GNAQ: variants seen among roughly 807,000 people sequenced by gnomAD.
GNAQ encodes guanine nucleotide-binding protein G(q) subunit alpha.
GNAQ carries 8 observed loss-of-function variants against 43.9 expected under a neutral mutation model. The observed-to-expected ratio is 0.18, with a 90% confidence interval of 0.11 to 0.33. The LOEUF (loss-of-function observed/expected upper bound fraction) is 0.33. GNAQ is among the 10% of genes least tolerant of loss of function. The probability of loss-of-function intolerance (pLI) is 1.00; values close to 1 mark genes in which losing one functional copy is unlikely to be tolerated. For missense variants in GNAQ, 158 were observed against 450.8 expected (o/e 0.35, Z 5.88); for synonymous variants, 155 against 170.7 (o/e 0.91, Z 0.71).
chr9:77,925,950 T>C (rs1829066202), intron 1 of GNAQ, among the ~76,000 whole-genome samples: 1 of 152,206 alleles, frequency 6.6e-6, no homozygotes, highest in Non-Finnish European at 1.5e-5. Flanking sequence ...CCTAATACAA[T>C]GTAAATGCTA....
At position 77,865,127 on chromosome 9, in the gene GNAQ, G is replaced by A. The variant is rs537370467; in HGVS notation, c.322-49357C>T. ...GACTCCACATTTGTCAGTAATCTAT[G>A]AATTTCTTTTAACTTAACAAACAGC... On this transcript the variant is annotated intron_variant, in intron 2 of 6. Transcript: ENST00000286548. Among the ~76,000 whole-genome samples, 23 of 151,824 alleles carry A rather than the reference G, an allele frequency of 1.5e-4. No individual in the cohort carries two copies. In the East Asian group the frequency reaches 4.5e-3, roughly 30 times the overall value.
intron 2 of GNAQ, among the ~76,000 whole-genome samples, chr9:77,849,405 G>A (rs1313379504): frequency 6.6e-6 from 1 of 152,106 alleles, no homozygotes; most frequent in Admixed American, 6.5e-5. Context: ...CCTTGATACT[G>A]GAGTGGGGTC....
intron 2 of GNAQ, among the ~76,000 whole-genome samples, chr9:77,847,412 A>G (rs533862051): frequency 2.6e-5 from 4 of 152,302 alleles, no homozygotes; most frequent in African/African-American, 9.6e-5. Flanking sequence ...CACGATGGGA[A>G]TGGCCTGGAG....
chr9:77,937,388 A>T (rs1209564422), intron 1 of GNAQ, among the ~76,000 whole-genome samples: 1 of 151,948 alleles, frequency 6.6e-6, no homozygotes, highest in Non-Finnish European at 1.5e-5. Context: ...CAGTGAGCCA[A>T]GATCGCACCA....
chr9:77,905,936 G>A (rs947596281), intron 2 of GNAQ, among the ~76,000 whole-genome samples: 1 of 152,074 alleles, frequency 6.6e-6, no homozygotes, highest in African/African-American at 2.4e-5. Flanking sequence ...GTCAGGGGGT[G>A]GGAGACAAGG....
At chr9:77,808,286 T>C (rs1826859419) in intron 3 of GNAQ, among the ~76,000 whole-genome samples, 1 of 151,640 alleles carries the variant, frequency 6.6e-6, no homozygotes. Context: ...CTTTAAGAGC[T>C]TTCTGAAAGG....
chr9:77,727,516 T>C (rs941878961), intron 6 of GNAQ, among the ~76,000 whole-genome samples: 1 of 152,114 alleles, frequency 6.6e-6, no homozygotes, highest in African/African-American at 2.4e-5. Flanking sequence ...TGCAGAGCCA[T>C]AGGAGTAGTG....
intron 1 of GNAQ, among the ~76,000 whole-genome samples, chr9:77,990,483 C>G (rs958681115): frequency 6.6e-6 from 1 of 152,114 alleles, no homozygotes; most frequent in African/African-American, 2.4e-5. Context: ...CAGCCTTTTC[C>G]AAGTGCTGGG....
At chr9:77,927,665 T>C (rs567597899) in intron 1 of GNAQ, among the ~76,000 whole-genome samples, 16 of 152,270 alleles carry the variant, frequency 1.1e-4, no homozygotes, top group Middle Eastern at 3.4e-3. Context: ...CTTTTTTTTT[T>C]CAAGGGTCTC....
chr9:77,746,285 A>C (rs1825728180), intron 5 of GNAQ, among the ~76,000 whole-genome samples: 1 of 152,172 alleles, frequency 6.6e-6, no homozygotes, highest in Non-Finnish European at 1.5e-5. Context: ...GGAAGAAAAC[A>C]ACATAGGATC....
chr9:77,827,917 G>A (rs74450140), intron 2 of GNAQ, among the ~76,000 whole-genome samples: 14,190 of 151,076 alleles, frequency 0.094, 1,437 homozygotes, highest in East Asian at 0.23. Context: ...AAAATTAGCC[G>A]GGCATGGTGG....
chr9:77,743,644 T>G (rs1264205623), intron 5 of GNAQ, among the ~76,000 whole-genome samples: 2 of 136,104 alleles, frequency 1.5e-5, no homozygotes, highest in African/African-American at 4.9e-5. Flanking sequence ...TCCATTTGGA[T>G]TGGCTGATCT....
At chr9:77,931,385 G>C (rs1293821227) in intron 1 of GNAQ, among the ~76,000 whole-genome samples, 1 of 152,000 alleles carries the variant, frequency 6.6e-6, no homozygotes, top group Non-Finnish European at 1.5e-5. Flanking sequence ...GAGGTCAGGA[G>C]ATCGAGACCA....
chr9:77,745,285 C>A (rs553089173), intron 5 of GNAQ, among the ~76,000 whole-genome samples: 3 of 152,146 alleles, frequency 2.0e-5, no homozygotes, highest in South Asian at 2.1e-4. Flanking sequence ...GGAGAGGAGG[C>A]AGGGAGGAAA....
chr9:77,988,014 G>C lies in GNAQ; in HGVS notation c.136+43086C>G, dbSNP rs1472496930. On this transcript the variant is annotated intron_variant, in intron 1 of 6. Transcript: ENST00000286548. ...GAAAAGAGAGACGGGAATGAGCTAT[G>C]CTGATTCCTGGTGCGAAAAGCAATC... Among the ~76,000 whole-genome samples the C allele has an allele frequency of 2.6e-5, 4 of 152,224 alleles. No individual in the cohort carries two copies. The East Asian group carries it at 7.7e-4, about 29-fold the overall frequency.
chr9:77,935,836 T>C (rs1829223580), intron 1 of GNAQ, among the ~76,000 whole-genome samples: 1 of 152,174 alleles, frequency 6.6e-6, no homozygotes, highest in African/African-American at 2.4e-5. Context: ...CAGGAGTCTC[T>C]CTTCCCATCT....
chr9:77,751,455 C>T (rs530350438), intron 5 of GNAQ, among the ~76,000 whole-genome samples: 6 of 152,044 alleles, frequency 3.9e-5, no homozygotes, highest in Admixed American at 2.6e-4. Context: ...GTAATTTTCA[C>T]GTAATAAATT....
intron 2 of GNAQ, among the ~76,000 whole-genome samples, chr9:77,852,775 T>C (rs1007685652): frequency 3.3e-5 from 5 of 152,238 alleles, no homozygotes; most frequent in African/African-American, 1.2e-4. Flanking sequence ...ATTTTCATAT[T>C]TACAGTTATA....
chr9:77,898,452 C>A (rs1828538922), intron 2 of GNAQ, among the ~76,000 whole-genome samples: 4 of 152,220 alleles, frequency 2.6e-5, no homozygotes, highest in African/African-American at 9.7e-5. Flanking sequence ...ACACTTACTG[C>A]ACTGTATTAT....
Sources: gnomAD v4.1 joint callset for allele counts (sites outside exome capture counted in the v4.1 genomes callset) on GRCh38, gnomAD v4.1.1 for gene constraint, MANE v1.5 for transcripts, NCBI Gene and HGNC (gene_info 2026-07-23, HGNC 2026-07-21) for gene names.